POLDIP2: variants seen among roughly 807,000 people sequenced by gnomAD.
POLDIP2 encodes DNA polymerase delta interacting protein 2, also known as polymerase delta-interacting protein 2.
Under a neutral mutation model 52.9 loss-of-function variants are expected in POLDIP2, and 32 were observed. The observed-to-expected ratio is 0.61, with a 90% CI of 0.46 to 0.81. POLDIP2 has a LOEUF of 0.81. Among genes scored for constraint, POLDIP2 ranks in the 40% least tolerant of loss-of-function variants. POLDIP2 has a pLI of 0.00. For synonymous variants in POLDIP2, 183 were observed against 183.0 expected (o/e 1.00, Z 0.00); for missense variants, 371 against 477.3 (o/e 0.78, Z 2.07).
rs534011316 is a variant in POLDIP2 at position 28,353,596 on chromosome 17, C to T, written c.438+99G>A. 1,414 of 815,346 alleles carry T rather than the reference C, an allele frequency of 1.7e-3. 17 individuals are homozygous for T. The African/African-American group carries it at 0.022, about 13-fold the overall frequency. The allele number at this position is 815,346 out of a possible 1,614,324, so 50.5% of individuals were successfully genotyped here. The stretch of plus-strand genomic sequence containing the variant: ...CCAAGGCCTTGGGGACCAAGACTGA[C>T]CTGGGCTCTGTTTGACCCCCTTCCC... On this transcript the variant is annotated intron_variant, in intron 4 of 10. Transcript: ENST00000540200.
Position 28,350,444 on chromosome 17 carries a change from C to T in POLDIP2, c.906G>A (p.Val302=). Residue 302 remains valine, a synonymous_variant, in exon 9 of 11, where the codon GTG becomes GTA. Transcript: ENST00000540200. ...TLETVRGRGV[V]GREPVLSKEQ... Reference sequence around the variant, plus strand: ...CTAGACCAAGGATGCTCACCCTGCCCACTACCCCTCGGCCTCGCACTGTCT... The same window carrying T: ...CTAGACCAAGGATGCTCACCCTGCCTACTACCCCTCGGCCTCGCACTGTCT... 6.2e-7 allele frequency: 1 copy of T among 1,609,682 alleles called. No homozygotes were observed. Among genetic ancestry groups the T allele is most frequent in the Non-Finnish European group, 8.5e-7 (1 of 1,178,156 alleles).
At chr17:28,350,912 T>A in intron 7 of POLDIP2, 120 bp from the exon 8 acceptor site, 1 of 832,682 alleles carries the variant, frequency 1.2e-6, no homozygotes, top group Non-Finnish European at 2.0e-6. Context: ...AAGCTGAGAG[T>A]ATCTGTGGGA....
intron 7 of POLDIP2, among the ~76,000 whole-genome samples, chr17:28,351,383 A>G (rs1473878853): frequency 2.6e-5 from 4 of 152,174 alleles, no homozygotes; most frequent in Admixed American, 6.5e-5. Flanking sequence ...TTAAATAATT[A>G]TGTGTATATT....
At chr17:28,351,030 G>A (rs1191813027) in intron 7 of POLDIP2, among the ~76,000 whole-genome samples, 1 of 152,100 alleles carries the variant, frequency 6.6e-6, no homozygotes, top group East Asian at 1.9e-4. Context: ...CAACAGAGCT[G>A]GATGCCAACA....
chr17:28,348,562 A>C (rs1907674414), intron 10 of POLDIP2, among the ~76,000 whole-genome samples: 1 of 152,164 alleles, frequency 6.6e-6, no homozygotes, highest in Non-Finnish European at 1.5e-5. Context: ...AAAATACAAA[A>C]TTAGCCGGGC....
intron 1 of POLDIP2, among the ~76,000 whole-genome samples, chr17:28,356,197 C>T (rs1277625476): frequency 6.6e-6 from 1 of 152,020 alleles, no homozygotes; most frequent in Admixed American, 6.6e-5. Context: ...CCTCCCACAG[C>T]ACTTTAACTG....
chr17:28,351,877 C>A (rs1907808361), intron 6 of POLDIP2, 77 bp from the exon 7 acceptor site: 6 of 1,337,392 alleles, frequency 4.5e-6, no homozygotes. Flanking sequence ...CACAATAGTC[C>A]AGTGCGATTG....
chr17:28,348,031 T>C lies in POLDIP2; in HGVS notation c.*86A>G. ...TTAAGAGACCCACTGTGGCCCATGA[T>C]GGGGAGAGAAGAGTTCTGCAGCAAT... On this transcript the variant is annotated 3_prime_UTR_variant, in exon 11 of 11. Transcript: ENST00000540200. 1 of 763,588 alleles carries C rather than the reference T, an allele frequency of 1.3e-6. No homozygotes were observed. Among genetic ancestry groups the C allele is most frequent in the Non-Finnish European group, 2.3e-6 (1 of 439,412 alleles). The allele number at this position is 763,588 out of a possible 1,614,324, so 47.3% of individuals were successfully genotyped here. A position where few individuals can be genotyped will look rare whatever the true frequency, so the allele number is the denominator to read the frequency against.
Position 28,353,306 on chromosome 17 carries a change from G to C in POLDIP2, c.449C>G (p.Ser150Cys). The change falls in exon 5 of 11, where the codon TCT becomes TGT. Residue 150 changes from serine (S) to cysteine (C), a missense_variant. Coordinates refer to ENST00000540200, the MANE Select transcript of POLDIP2 (RefSeq NM_015584.5). Reference sequence around the variant, plus strand: ...CAAGAAGGTCACAGCTTCTGTCTGAGATCTCTGAGACTAAGGCAAGAAGTG... The same window carrying C: ...CAAGAAGGTCACAGCTTCTGTCTGACATCTCTGAGACTAAGGCAAGAAGTG... The part of the protein sequence containing the change: ...ARDCPHISQR[S>C]QTEAVTFLAN... 6.3e-7 allele frequency: 1 copy of C among 1,580,274 alleles called. No homozygotes were observed. The highest frequency in any genetic ancestry group is 8.7e-7 in the Non-Finnish European group (1 of 1,152,208).
In POLDIP2 at chr17:28,357,498, C is replaced by T. The variant is rs782354938; in HGVS notation, c.-50G>A. The T allele has an allele frequency of 1.4e-6, 2 of 1,433,042 alleles. No homozygotes were observed. Among genetic ancestry groups the T allele is most frequent in the African/African-American group, 3.0e-5 (2 of 67,368 alleles). 88.8% of individuals were successfully genotyped at this position (1,433,042 alleles called of 1,614,324 possible). The stretch of plus-strand genomic sequence containing the variant: ...TGCTGACACAGAGCCCGACCCGCGG[C>T]CGGGCGGCGTTCCGCCCCAGTCCCA... On this transcript the variant is annotated 5_prime_UTR_variant, in exon 1 of 11. Transcript: ENST00000540200.
intron 4 of POLDIP2, among the ~76,000 whole-genome samples, 154 bp from the exon 5 acceptor site, chr17:28,353,470 T>C (rs1253806738): frequency 2.2e-5 from 3 of 137,606 alleles, no homozygotes; most frequent in Non-Finnish European, 4.6e-5. Flanking sequence ...TGCAGTGAGC[T>C]GAGATCTCAC....
At chr17:28,349,029 A>G in intron 10 of POLDIP2, 54 bp downstream of exon 10, 1 of 1,304,250 alleles carries the variant, frequency 7.7e-7, no homozygotes, top group Non-Finnish European at 1.1e-6. Context: ...TTTCTGACCT[A>G]CAGCTTCTGT....
chr17:28,352,834 C>A (rs559557549), intron 6 of POLDIP2, 78 bp downstream of exon 6: 4 of 885,842 alleles, frequency 4.5e-6, no homozygotes, highest in South Asian at 1.6e-5. Context: ...CCACCGTGCC[C>A]GGCCCTGGAA....
intron 2 of POLDIP2, among the ~76,000 whole-genome samples, chr17:28,355,316 T>G (rs1468790403): frequency 6.6e-6 from 1 of 152,190 alleles, no homozygotes; most frequent in East Asian, 1.9e-4. Context: ...TCTATAAAAA[T>G]TTGATTCTGG....
intron 9 of POLDIP2, 73 bp downstream of exon 9, chr17:28,350,365 G>T (rs1907749790): frequency 5.1e-6 from 7 of 1,361,580 alleles, no homozygotes; most frequent in Non-Finnish European, 6.9e-6. Flanking sequence ...TAACAACAAA[G>T]GAGAAGGAAG....
At chr17:28,355,506 C>G (rs1344853003) in intron 2 of POLDIP2, among the ~76,000 whole-genome samples, 1 of 152,120 alleles carries the variant, frequency 6.6e-6, no homozygotes, top group Admixed American at 6.5e-5. Context: ...ACTAGGGAGG[C>G]TGAGGTAGGA....
rs782683389 is a variant in POLDIP2 at position 28,357,278 on chromosome 17, C to T, written c.161+10G>A. 3.4e-5 allele frequency: 53 copies of T among 1,566,262 alleles called. No homozygotes were observed. The highest frequency in any genetic ancestry group is 4.5e-5 in the Non-Finnish European group (53 of 1,166,348). On this transcript the variant is annotated intron_variant, in intron 1 of 10. Transcript: ENST00000540200. ...CCCAGTTCCTCGCGCCCCCTGGCTC[C>T]GTCCCTCACCGGGACGAGAGGTGCC...
In POLDIP2 at chr17:28,346,744, C is replaced by A. The variant is rs879953557; in HGVS notation, c.*1373G>T. On this transcript the variant is annotated 3_prime_UTR_variant, in exon 11 of 11. Transcript: ENST00000540200. The stretch of plus-strand genomic sequence containing the variant: ...CTTGGCTGTGTGCATTTTTCAACTC[C>A]AAGCAGCCCAGGGGTAAGTAAACAA... The A allele has an allele frequency of 6.6e-6, 1 of 152,156 alleles. No homozygotes were observed. Among genetic ancestry groups the A allele is most frequent in the Non-Finnish European group, 1.5e-5 (1 of 68,014 alleles). The allele number at this position is 152,156 out of a possible 1,614,324, so 9.4% of individuals were successfully genotyped here.
intron 3 of POLDIP2, 108 bp from the exon 4 acceptor site, chr17:28,353,899 G>T (rs1258520294): frequency 1.2e-5 from 9 of 759,368 alleles, no homozygotes; most frequent in Admixed American, 7.3e-5. Flanking sequence ...CTGATCTAAA[G>T]GGGCTTTAGC....
Sources: allele counts gnomAD v4.1 joint callset (sites outside exome capture counted in the v4.1 genomes callset), GRCh38; gene constraint gnomAD v4.1.1; transcripts MANE v1.5; gene names NCBI Gene and HGNC (gene_info 2026-07-23, HGNC 2026-07-21).